IKBKB: variants seen among roughly 807,000 people sequenced by gnomAD.
IKBKB encodes inhibitor of nuclear factor kappa-B kinase subunit beta.
In IKBKB, 42 loss-of-function variants were observed where a neutral mutation model predicts 113.6. The ratio of observed to expected loss-of-function variants is 0.37; its 90% CI spans 0.29 to 0.48. The LOEUF (loss-of-function observed/expected upper bound fraction) is 0.48, where lower values mean the gene tolerates loss of function less well. Ranked by LOEUF, IKBKB falls within the 20% of genes least tolerant of loss-of-function variation. IKBKB has a pLI of 0.99. For synonymous variants in IKBKB, 296 were observed against 361.3 expected (o/e 0.82, Z 2.05); for missense variants, 673 against 939.7 (o/e 0.72, Z 3.71).
intron 2 of IKBKB, among the ~76,000 whole-genome samples, chr8:42,277,213 C>A (rs1350685630): frequency 2.1e-5 from 3 of 141,428 alleles, no homozygotes; most frequent in African/African-American, 8.0e-5. Flanking sequence ...AACGGAGTCA[C>A]GCTCTGTTGC....
intron 7 of IKBKB, among the ~76,000 whole-genome samples, chr8:42,308,590 G>A (rs539335268): frequency 3.3e-5 from 5 of 152,182 alleles, no homozygotes; most frequent in Admixed American, 6.5e-5. Context: ...GAGCCACTGC[G>A]TCCAGCCTGC....
At chr8:42,277,180 ATTT>A (rs751878075) in intron 2 of IKBKB, among the ~76,000 whole-genome samples, 3 of 84,904 alleles carry the variant, frequency 3.5e-5, no homozygotes, top group African/African-American at 4.5e-5. Context: ...CGTGTGGCTA[ATTT>A]TTTTTTTTTT....
chr8:42,271,946 C>G, intron 1 of IKBKB, 137 bp from the exon 2 acceptor site: 4 of 972,798 alleles, frequency 4.1e-6, no homozygotes, highest in Non-Finnish European at 6.0e-6. Flanking sequence ...ACATTGGTTT[C>G]TTTACAAAAT....
At position 42,272,565 on chromosome 8, in the gene IKBKB, T is replaced by C. The variant is rs1808011514; in HGVS notation, c.105+360T>C. On this transcript the variant is annotated intron_variant, in intron 2 of 21. Transcript: ENST00000520810. ...ATGAGACTAAATAAATAATTTAAAA[T>C]ATTTTAATTCCTTGAGGCCAGTAGT... 3 of 356,528 alleles carry C rather than the reference T, an allele frequency of 8.4e-6. 1 individual carries two copies. The highest frequency in any genetic ancestry group is 9.1e-5 in the East Asian group (2 of 22,062). The allele number at this position is 356,528 out of a possible 1,614,324, so 22.1% of individuals were successfully genotyped here.
At chr8:42,300,485 G>C (rs1224834258) in intron 5 of IKBKB, among the ~76,000 whole-genome samples, 1 of 152,174 alleles carries the variant, frequency 6.6e-6, no homozygotes, top group Admixed American at 6.5e-5. Context: ...GATAGATAGA[G>C]ATTCATGGAC....
At chr8:42,293,587 C>T (rs753889472) in intron 5 of IKBKB, 75 bp downstream of exon 5, 2 of 1,612,008 alleles carry the variant, frequency 1.2e-6, no homozygotes, top group African/African-American at 2.7e-5. Context: ...CTGCGGAGCC[C>T]TGCAGGCAGA....
chr8:42,296,486 A>G (rs1183714671), intron 5 of IKBKB, among the ~76,000 whole-genome samples: 2 of 152,144 alleles, frequency 1.3e-5, no homozygotes, highest in Non-Finnish European at 2.9e-5. Context: ...AAAAAACCCA[A>G]AAAACTAAAA....
chr8:42,331,213 G>C lies in IKBKB; in HGVS notation c.*234G>C. The C allele has an allele frequency of 1.3e-6, 1 of 743,366 alleles. No individual in the cohort carries two copies. The highest frequency in any genetic ancestry group is 2.4e-6 in the Non-Finnish European group (1 of 423,618). 46.0% of individuals were successfully genotyped at this position (743,366 alleles called of 1,614,324 possible). On this transcript the variant is annotated 3_prime_UTR_variant, in exon 22 of 22. Transcript: ENST00000520810. Reference sequence around the variant, plus strand: ...ACTTTCACCCAGGACCCAGGACGCAGCCCTCCGTGGGCACTGCCGGCGCCT... The same window carrying C: ...ACTTTCACCCAGGACCCAGGACGCACCCCTCCGTGGGCACTGCCGGCGCCT...
chr8:42,306,208 GGC>G (rs1816493941), intron 6 of IKBKB, 133 bp from the exon 7 acceptor site: 2 of 596,960 alleles, frequency 3.4e-6, no homozygotes, highest in Admixed American at 5.4e-5. Context: ...TGTATCTGGT[GGC>G]TCTTAGGAGT....
chr8:42,306,556 A>T, intron 7 of IKBKB, 124 bp downstream of exon 7: 1 of 687,372 alleles, frequency 1.5e-6, no homozygotes, highest in East Asian at 2.8e-5. Context: ...TTGGAGATGC[A>T]TGAGGTCACA....
At chr8:42,314,148 T>C in intron 8 of IKBKB, 174 bp from the exon 9 acceptor site, 1 of 621,372 alleles carries the variant, frequency 1.6e-6, no homozygotes, top group South Asian at 1.8e-5. Context: ...GCTGTACAGG[T>C]TTGTAGCCTA....
chr8:42,316,804 A>G lies in IKBKB; in HGVS notation c.1025A>G (p.Gln342Arg). The change falls in exon 11 of 22, where the codon CAG (glutamine) becomes CGG (arginine). Residue 342 changes from glutamine (Q) to arginine (R), a missense_variant. Gln to Arg is a conservative substitution (Grantham distance 43, BLOSUM62 1). Transcript: ENST00000520810. This position sits in a 1 kb window ranked among gnomAD's most constrained non-coding sequence, Gnocchi z 4.5. ...CAGAGCTTGAAGGCCAGAATCCAAC[A>G]GGACACGGGCATCCCAGAGGAGGAC... ...SLQSLKARIQ[Q>R]DTGIPEEDQE... 1 of 1,614,164 alleles carries G rather than the reference A, an allele frequency of 6.2e-7. No individual in the cohort carries two copies. The highest frequency in any genetic ancestry group is 8.5e-7 in the Non-Finnish European group (1 of 1,180,026).
chr8:42,305,298 G>A (rs201515207), intron 6 of IKBKB, 23 bp downstream of exon 6: 248 of 1,520,868 alleles, frequency 1.6e-4, no homozygotes, highest in Non-Finnish European at 2.1e-4. Flanking sequence ...CTGGGACTGG[G>A]AAAGCCTCAG....
intron 8 of IKBKB, among the ~76,000 whole-genome samples, chr8:42,312,932 T>G (rs774450278): frequency 3.9e-5 from 6 of 152,226 alleles, no homozygotes; most frequent in Non-Finnish European, 8.8e-5. Context: ...CACCAGACAT[T>G]GGGTTTGAGC....
In IKBKB at chr8:42,306,219, G is replaced by A. The variant is rs553629765; in HGVS notation, c.478-124G>A. On this transcript the variant is annotated intron_variant, in intron 6 of 21. Transcript: ENST00000520810. Reference sequence around the variant, plus strand: ...TTTGTGTATCTGGTGGCTCTTAGGAGTTTGGGATCTAATAGTACCTGGGAA... The same window carrying A: ...TTTGTGTATCTGGTGGCTCTTAGGAATTTGGGATCTAATAGTACCTGGGAA... 6.2e-4 allele frequency: 397 copies of A among 637,182 alleles called. 4 individuals carry two copies. The South Asian group carries it at 6.2e-3, about 10-fold the overall frequency. The allele number at this position is 637,182 out of a possible 1,614,324, so 39.5% of individuals were successfully genotyped here. A position where few individuals can be genotyped will look rare whatever the true frequency, so the allele number is the denominator to read the frequency against.
chr8:42,271,746 C>G, intron 1 of IKBKB: 1 of 505,614 alleles, frequency 2.0e-6, no homozygotes, highest in Non-Finnish European at 3.5e-6. Context: ...AGGTTCTGCC[C>G]CTGCCACCTC....
At chr8:42,309,436 C>T (rs1184295158) in intron 8 of IKBKB, 1 of 379,662 alleles carries the variant, frequency 2.6e-6, no homozygotes, top group African/African-American at 2.1e-5. Flanking sequence ...TTACTACAAC[C>T]TGAATATAAA....
chr8:42,329,340 T>G (rs1821376800), intron 21 of IKBKB, 126 bp downstream of exon 21: 13 of 1,335,168 alleles, frequency 9.7e-6, no homozygotes, highest in Non-Finnish European at 1.2e-5. Flanking sequence ...CTTGTTTATT[T>G]GTGACAGGGT....
rs144059602 is a variant in IKBKB, at chr8:42,298,231, C to T, written c.388+4719C>T. On this transcript the variant is annotated intron_variant, in intron 5 of 21. Transcript: ENST00000520810. ...CTCTCTCCTGCCTGATGGGGTGTGG[C>T]TCTGCTGGGCGGGCCTGGGTCTTAT... 1,005 of 985,428 alleles carry T rather than the reference C, an allele frequency of 1.0e-3. 7 individuals carry two copies. The African/African-American group carries it at 0.013, about 13-fold the overall frequency. 61.0% of individuals were successfully genotyped at this position (985,428 alleles called of 1,614,324 possible).
Sources: gnomAD v4.1 joint callset for allele counts (sites outside exome capture counted in the v4.1 genomes callset) on GRCh38, gnomAD v4.1.1 for gene constraint, Gnocchi (gnomAD v3.1) non-coding constraint, MANE v1.5 for transcripts, NCBI Gene and HGNC (gene_info 2026-07-23, HGNC 2026-07-21) for gene names.